PLCG2: variants seen among roughly 807,000 people sequenced by gnomAD.
PLCG2 encodes the protein 1-phosphatidylinositol 4,5-bisphosphate phosphodiesterase gamma-2.
In PLCG2, 69 loss-of-function variants were observed where a neutral mutation model predicts 175.6. The ratio of observed to expected loss-of-function variants is 0.39; its 90% CI spans 0.32 to 0.48. The LOEUF (loss-of-function observed/expected upper bound fraction) is 0.48. PLCG2 is among the 20% of genes least tolerant of loss of function. PLCG2 has a pLI of 0.91. For missense variants in PLCG2, 1,798 were observed against 1,650.9 expected, an observed-to-expected ratio of 1.09 and a Z score of -1.54; for synonymous variants, 827 against 624.0, an observed-to-expected ratio of 1.33 and a Z score of -4.85.
At position 81,764,411 on chromosome 16, in the gene PLCG2, A is replaced by G. The variant is rs139513586; in HGVS notation, c.-48+8445A>G. On this transcript the variant is annotated intron_variant, in intron 2 of 5. Coordinates refer to the PLCG2 transcript ENST00000565054. ...TGGACGAATGTCAATGTGACAGTGT[A>G]GAAGAGCATGTGGGATGGAGGAAGA... Among the ~76,000 whole-genome samples the G allele has an allele frequency of 2.9e-3, 448 of 152,370 alleles. 4 individuals carry two copies. Among genetic ancestry groups the G allele is most frequent in the African/African-American group, 0.01 (428 of 41,596 alleles).
intron 9 of PLCG2, among the ~76,000 whole-genome samples, chr16:81,885,086 C>T (rs900219020): frequency 2.0e-5 from 3 of 149,510 alleles, no homozygotes; most frequent in African/African-American, 7.4e-5. Flanking sequence ...GAGTCTTGCT[C>T]TGTCACCAGG....
Position 81,869,369 on chromosome 16 carries a change from C to T in PLCG2, c.564+71C>T. 7.0e-6 allele frequency: 8 copies of T among 1,147,364 alleles called. No individual in the cohort carries two copies. The East Asian group carries it at 1.6e-4, about 23-fold the overall frequency. 71.1% of individuals were successfully genotyped at this position (1,147,364 alleles called of 1,614,324 possible). On this transcript the variant is annotated intron_variant, in intron 6 of 32. Coordinates refer to ENST00000564138, the MANE Select transcript of PLCG2 (RefSeq NM_002661.5). ...CTTAGCCTCTCTCATGAAGCCGTGG[C>T]TTGCCTTTGAGTTCCGTGGAATAGT...
intron 27 of PLCG2, among the ~76,000 whole-genome samples, chr16:81,936,729 C>T (rs1357338051): frequency 6.6e-6 from 1 of 152,238 alleles, no homozygotes; most frequent in Non-Finnish European, 1.5e-5. Flanking sequence ...CTCAGACTTT[C>T]TTCCAGAGAC....
rs75472618 is a variant in PLCG2 at position 81,908,570 on chromosome 16, A to G, written c.1712A>G (p.Asn571Ser). 10,624 of 1,611,776 alleles carry G rather than the reference A, an allele frequency of 6.6e-3. 73 individuals carry two copies. The highest frequency in any genetic ancestry group is 0.033 in the Middle Eastern group (160 of 4,874). Reference protein sequence around the residue: ...FLVRESETFPNDYTLSFWRSG... With the variant: ...FLVRESETFPSDYTLSFWRSG... ...GTTCGGGAGAGCGAGACCTTCCCCA[A>G]TGACTACACCCTGTCCTTCTGGTAA... Residue 571 changes from asparagine (N) to serine (S), a missense_variant, in exon 17 of 33, where the codon AAT becomes AGT. Asn to Ser is a conservative substitution (Grantham distance 46). Transcript: ENST00000564138.
intron 5 of PLCG2, among the ~76,000 whole-genome samples, chr16:81,868,527 A>G (rs1178367865): frequency 6.6e-6 from 1 of 152,192 alleles, no homozygotes; most frequent in Non-Finnish European, 1.5e-5. Flanking sequence ...GGTGGCAGGT[A>G]GAGTCAGTAG....
At chr16:81,750,663 A>ATTTTGTTTTTTTTTTT (rs1909791085) in intron 1 of PLCG2, among the ~76,000 whole-genome samples, 1 of 68,446 alleles carries the variant, frequency 1.5e-5, no homozygotes, top group African/African-American at 5.0e-5. Flanking sequence ...GGGACTGGAG[A>ATTTTGTTTTTTTTTTT]TTTTTTTTTT....
At chr16:81,940,399 C>T (rs1377116392) in intron 30 of PLCG2, among the ~76,000 whole-genome samples, 4 of 152,144 alleles carry the variant, frequency 2.6e-5, no homozygotes, top group African/African-American at 4.8e-5. Context: ...TTGATCTCCC[C>T]CTCCTGCTCT....
intron 2 of PLCG2, among the ~76,000 whole-genome samples, chr16:81,829,690 T>A (rs922223810): frequency 6.6e-6 from 1 of 152,230 alleles, no homozygotes; most frequent in Non-Finnish European, 1.5e-5. Context: ...TTTTTGTTTA[T>A]TTCCATCGAT....
intron 13 of PLCG2, among the ~76,000 whole-genome samples, chr16:81,900,320 C>G (rs141633110): frequency 0.01 from 1,577 of 152,262 alleles, 21 homozygotes; most frequent in African/African-American, 0.036. Flanking sequence ...AGATTAGAGA[C>G]TTTTTTCTGT....
intron 5 of PLCG2, among the ~76,000 whole-genome samples, chr16:81,866,339 C>T (rs1907233787): frequency 7.3e-6 from 1 of 136,284 alleles, no homozygotes; most frequent in African/African-American, 2.8e-5. Context: ...TGAGAGGACG[C>T]TGGCCTCTCC....
intron 5 of PLCG2, among the ~76,000 whole-genome samples, chr16:81,864,583 A>T (rs1907137487): frequency 2.0e-5 from 3 of 152,230 alleles, no homozygotes; most frequent in Admixed American, 2.0e-4. Flanking sequence ...ATAAAATAAT[A>T]GTTCCCGCCT....
chr16:81,808,356 T>G lies in PLCG2; in HGVS notation c.193+22174T>G, dbSNP rs529771288. On this transcript the variant is annotated intron_variant, in intron 2 of 32. Transcript: ENST00000564138. Reference sequence around the variant, plus strand: ...TCCCCAGTGTCCTGAGGTCAGAATGTCCAGGGCACCCTTTTAGAGAGAGAG... The same window carrying G: ...TCCCCAGTGTCCTGAGGTCAGAATGGCCAGGGCACCCTTTTAGAGAGAGAG... 2.6e-5 allele frequency among the ~76,000 whole-genome samples: 4 copies of G among 152,220 alleles called. No individual in the cohort carries two copies. In the South Asian group the frequency reaches 8.3e-4, roughly 32 times the overall value.
intron 2 of PLCG2, among the ~76,000 whole-genome samples, chr16:81,838,289 G>T (rs937859836): frequency 1.3e-5 from 2 of 152,196 alleles, no homozygotes; most frequent in African/African-American, 4.8e-5. Flanking sequence ...GTTTCACCAT[G>T]TTTCCCAGGC....
chr16:81,864,097 A>G (rs1229700131), intron 5 of PLCG2, among the ~76,000 whole-genome samples: 3 of 152,156 alleles, frequency 2.0e-5, no homozygotes, highest in Non-Finnish European at 4.4e-5. Context: ...TCTAGAGGGC[A>G]ATTTTCAAAT....
intron 2 of PLCG2, among the ~76,000 whole-genome samples, chr16:81,829,407 C>G (rs1376595537): frequency 6.6e-6 from 1 of 152,210 alleles, no homozygotes; most frequent in African/African-American, 2.4e-5. Flanking sequence ...CCGTGCCTAG[C>G]CAGTTTCACC....
At chr16:81,740,650 G>C (rs755009986) in intron 1 of PLCG2, 1 of 143,276 alleles carries the variant, frequency 7.0e-6, no homozygotes, top group Non-Finnish European at 1.5e-5. Flanking sequence ...AGGAGAACTT[G>C]GGAGGCATAG....
Position 81,786,274 on chromosome 16 carries a change from TG to T in PLCG2, c.193+93del, listed in dbSNP as rs1211384854. 9 of 1,043,812 alleles carry T rather than the reference TG, an allele frequency of 8.6e-6. No individual in the cohort carries two copies. The African/African-American group carries it at 1.4e-4, about 17-fold the overall frequency. The allele number at this position is 1,043,812 out of a possible 1,614,324, so 64.7% of individuals were successfully genotyped here. A position where few individuals can be genotyped will look rare whatever the true frequency, so the allele number is the denominator to read the frequency against. On this transcript the variant is annotated intron_variant, in intron 2 of 32. Transcript: ENST00000564138. ...CTTCCTGTCTTGTCATTACTGTGAT[TG>T]TTGTTGGTTTGATGTGTTCTTTTAT... is the stretch of plus-strand genomic sequence containing the variant.
At chr16:81,899,223 AATAC>A (rs957106311) in intron 13 of PLCG2, among the ~76,000 whole-genome samples, 13 of 151,448 alleles carry the variant, frequency 8.6e-5, no homozygotes, top group African/African-American at 2.9e-4. Context: ...AAAATAAATA[AATAC>A]ATAAATAAAT....
At chr16:81,782,464 G>T (rs12934353) in intron 1 of PLCG2, among the ~76,000 whole-genome samples, 1 of 151,880 alleles carries the variant, frequency 6.6e-6, no homozygotes, top group Non-Finnish European at 1.5e-5. Context: ...CTCTCTCCTG[G>T]GCTCAAGGTC....
Sources: allele counts gnomAD v4.1 joint callset (sites outside exome capture counted in the v4.1 genomes callset), GRCh38; gene constraint gnomAD v4.1.1; transcripts MANE v1.5; gene names NCBI Gene and HGNC (gene_info 2026-07-23, HGNC 2026-07-21).